Variants in TSPAN5 observed in about 807,000 individuals in gnomAD.
TSPAN5 encodes tetraspanin-5.
Under a neutral mutation model 37.1 loss-of-function variants are expected in TSPAN5, and 10 were observed. The ratio of observed to expected loss-of-function variants is 0.27; its 90% CI spans 0.17 to 0.46. The LOEUF (loss-of-function observed/expected upper bound fraction) is 0.46, where lower values mean the gene tolerates loss of function less well. Ranked by LOEUF, TSPAN5 falls within the 20% of genes least tolerant of loss-of-function variation. TSPAN5 has a pLI of 1.00. For synonymous variants in TSPAN5, 110 were observed against 118.9 expected, an observed-to-expected ratio of 0.93 and a Z score of 0.48; for missense variants, 195 against 326.6, an observed-to-expected ratio of 0.60 and a Z score of 3.11.
At chr4:98,533,951 A>AAAAAAAAAAAAC (rs1754170036) in intron 1 of TSPAN5, among the ~76,000 whole-genome samples, 1 of 144,432 alleles carries the variant, frequency 6.9e-6, no homozygotes, top group Admixed American at 7.0e-5. Flanking sequence ...AAAAAAAAAA[A>AAAAAAAAAAAAC]AAAAAAAAAA....
rs1325027678 is a variant in TSPAN5, at chr4:98,470,629, C to A, written c.*1893G>T. ...TCTTCTCCATGTTGGAAGGACATTA[C>A]AAAATGGCAACTGTGGTGGGGGCAG... On this transcript the variant is annotated 3_prime_UTR_variant, in exon 8 of 8. Transcript: ENST00000305798. The A allele has an allele frequency of 5.3e-5, 8 of 152,152 alleles. No individual in the cohort carries two copies. The highest frequency in any genetic ancestry group is 5.2e-4 in the Admixed American group (8 of 15,280). The allele number at this position is 152,152 out of a possible 1,614,324, so 9.4% of individuals were successfully genotyped here.
At chr4:98,484,296 G>T in intron 3 of TSPAN5, 3 of 377,520 alleles carry the variant, frequency 7.9e-6, no homozygotes, top group South Asian at 6.1e-5. Context: ...CCATTTTGCA[G>T]TATCTTAGTT....
chr4:98,486,203 G>A (rs1387305207), intron 3 of TSPAN5, among the ~76,000 whole-genome samples: 3 of 152,072 alleles, frequency 2.0e-5, no homozygotes, highest in Admixed American at 6.5e-5. Flanking sequence ...CAGTGATCAC[G>A]CCAACCGCAC....
rs556445999 is a variant in TSPAN5, at chr4:98,608,701, G to C, written c.81+49445C>G. On this transcript the variant is annotated intron_variant, in intron 1 of 7. Coordinates refer to ENST00000305798, the MANE Select transcript of TSPAN5 (RefSeq NM_005723.4). ...ATCCACAACATGTTGCCACTGTTAGGGGGGAAATAGACTATGTAAACGCAG... is the reference window on the plus strand; with the variant it reads ...ATCCACAACATGTTGCCACTGTTAGCGGGGAAATAGACTATGTAAACGCAG... Among the ~76,000 whole-genome samples the C allele has an allele frequency of 2.0e-5, 3 of 152,234 alleles. No homozygotes were observed. The East Asian group carries it at 5.8e-4, about 29-fold the overall frequency.
chr4:98,581,130 G>A (rs1034463112), intron 1 of TSPAN5, among the ~76,000 whole-genome samples: 1 of 152,172 alleles, frequency 6.6e-6, no homozygotes, highest in Non-Finnish European at 1.5e-5. Flanking sequence ...ACTCATTTGG[G>A]GGAATCCCTC....
chr4:98,611,294 T>C (rs1756181722), intron 1 of TSPAN5, among the ~76,000 whole-genome samples: 1 of 152,194 alleles, frequency 6.6e-6, no homozygotes, highest in Non-Finnish European at 1.5e-5. Flanking sequence ...GCCTCCCCCT[T>C]GCACAATTTC....
rs529806863 is a variant in TSPAN5, at chr4:98,533,024, T to A, written c.82-25296A>T. ...TTGTGTATGTTGAACCAGCCTTGCA[T>A]CCCAGGGATGAAGCTGACTTCATCG... On this transcript the variant is annotated intron_variant, in intron 1 of 7. Coordinates refer to ENST00000305798, the MANE Select transcript of TSPAN5 (RefSeq NM_005723.4). Among the ~76,000 whole-genome samples the A allele has an allele frequency of 3.3e-5, 5 of 152,344 alleles. No individual in the cohort carries two copies. In the South Asian group the frequency reaches 1.0e-3, roughly 32 times the overall value.
At chr4:98,579,537 T>A (rs1355422495) in intron 1 of TSPAN5, among the ~76,000 whole-genome samples, 2 of 152,150 alleles carry the variant, frequency 1.3e-5, no homozygotes, top group African/African-American at 4.8e-5. Flanking sequence ...CTGCTTTCTA[T>A]TAAGTTTGAC....
Position 98,486,790 on chromosome 4 carries a change from C to T in TSPAN5, c.227G>A (p.Gly76Glu). ...LVVGGVMFIL[G>E]FAGCIGALRE... ...TAGCGCTCCAATGCACCCTGCAAAT[C>T]CCAAAATGAACATCACTCCTCCCAC... is the stretch of plus-strand genomic sequence containing the variant. Residue 76 changes from glycine to glutamate, a missense_variant, in exon 3 of 8, where the codon GGA becomes GAA. Transcript: ENST00000305798. 1 of 1,613,994 alleles carries T rather than the reference C, an allele frequency of 6.2e-7. No homozygotes were observed. Among genetic ancestry groups the T allele is most frequent in the Non-Finnish European group, 8.5e-7 (1 of 1,180,002 alleles).
At chr4:98,638,282 C>G (rs1382960740) in intron 1 of TSPAN5, among the ~76,000 whole-genome samples, 1 of 152,144 alleles carries the variant, frequency 6.6e-6, no homozygotes, top group Non-Finnish European at 1.5e-5. Context: ...AGTAAAGATG[C>G]CTTGGTCTCC....
intron 1 of TSPAN5, among the ~76,000 whole-genome samples, chr4:98,631,002 T>C (rs1454945098): frequency 6.6e-6 from 1 of 152,184 alleles, no homozygotes; most frequent in Non-Finnish European, 1.5e-5. Flanking sequence ...AAAGGCATTA[T>C]CACAGTTCTA....
chr4:98,584,194 G>A (rs1755436137), intron 1 of TSPAN5, among the ~76,000 whole-genome samples: 2 of 152,180 alleles, frequency 1.3e-5, no homozygotes, highest in African/African-American at 2.4e-5. Context: ...TCCTGCCTCT[G>A]CCTCCTGAGT....
rs544670051 is a variant in TSPAN5, at chr4:98,643,442, T to G, written c.81+14704A>C. 2.0e-5 allele frequency among the ~76,000 whole-genome samples: 3 copies of G among 152,266 alleles called. No homozygotes were observed. In the South Asian group the frequency reaches 6.2e-4, roughly 32 times the overall value. ...TTTTTAAAAAGTCCAAGGATATAGATCAGTATTTAATAAGCATCAAGGATA... is the reference window on the plus strand; with the variant it reads ...TTTTTAAAAAGTCCAAGGATATAGAGCAGTATTTAATAAGCATCAAGGATA... On this transcript the variant is annotated intron_variant, in intron 1 of 7. Transcript: ENST00000305798.
In TSPAN5 at chr4:98,618,321, G is replaced by C. The variant is rs188682018; in HGVS notation, c.81+39825C>G. On this transcript the variant is annotated intron_variant, in intron 1 of 7. Coordinates refer to ENST00000305798, the MANE Select transcript of TSPAN5 (RefSeq NM_005723.4). ...AAGTAGGAATAATCACACTATTAAT[G>C]TACTAATACCTCAGACCTAAGGCAC... Among the ~76,000 whole-genome samples, 542 of 151,576 alleles carry C rather than the reference G, an allele frequency of 3.6e-3. 3 individuals are homozygous for C. Among genetic ancestry groups the C allele is most frequent in the African/African-American group, 0.013 (518 of 41,414 alleles).
At chr4:98,485,730 T>A (rs1423405224) in intron 3 of TSPAN5, among the ~76,000 whole-genome samples, 5 of 150,538 alleles carry the variant, frequency 3.3e-5, no homozygotes, top group African/African-American at 1.2e-4. Context: ...GAATCACACA[T>A]TACATGACTA....
chr4:98,497,875 AG>A (rs1753251470), intron 2 of TSPAN5, among the ~76,000 whole-genome samples: 1 of 152,204 alleles, frequency 6.6e-6, no homozygotes. Flanking sequence ...ACAAAGCGAC[AG>A]GATCTGGCCC....
chr4:98,497,786 G>A (rs1753249164), intron 2 of TSPAN5, among the ~76,000 whole-genome samples: 1 of 152,188 alleles, frequency 6.6e-6, no homozygotes, highest in Non-Finnish European at 1.5e-5. Flanking sequence ...AGAACAGAGT[G>A]CATGGAGCAG....
At chr4:98,546,326 C>T (rs1218726234) in intron 1 of TSPAN5, among the ~76,000 whole-genome samples, 4 of 152,256 alleles carry the variant, frequency 2.6e-5, no homozygotes, top group African/African-American at 9.6e-5. Context: ...GGTTCAGCCA[C>T]TACACGGTGC....
intron 1 of TSPAN5, among the ~76,000 whole-genome samples, chr4:98,617,934 T>C (rs1756376890): frequency 6.6e-6 from 1 of 152,192 alleles, no homozygotes; most frequent in Admixed American, 6.5e-5. Flanking sequence ...CAAGAAACCA[T>C]CTGTTCTAGA....
Sources: gnomAD v4.1 joint callset for allele counts (sites outside exome capture counted in the v4.1 genomes callset) on GRCh38, gnomAD v4.1.1 for gene constraint, MANE v1.5 for transcripts, NCBI Gene and HGNC (gene_info 2026-07-23, HGNC 2026-07-21) for gene names.